ALK: variants seen among roughly 807,000 people sequenced by gnomAD.
The protein encoded by ALK is ALK tyrosine kinase receptor.
ALK carries 74 observed loss-of-function variants against 163.1 expected under a neutral mutation model. The observed-to-expected ratio is 0.45, with a 90% CI of 0.38 to 0.55. The LOEUF (loss-of-function observed/expected upper bound fraction) is 0.55. Ranked by LOEUF, ALK falls within the 20% of genes least tolerant of loss-of-function variation. ALK has a pLI of 0.00. For missense variants in ALK, 2,063 were observed against 2,105.3 expected (o/e 0.98, Z 0.39); for synonymous variants, 960 against 843.2 (o/e 1.14, Z -2.40).
At chr2:29,389,630 G>T (rs986109049) in intron 4 of ALK, among the ~76,000 whole-genome samples, 4 of 152,186 alleles carry the variant, frequency 2.6e-5, no homozygotes, top group African/African-American at 9.7e-5. Flanking sequence ...GAGGACAAAT[G>T]AACATATTTC....
intron 1 of ALK, among the ~76,000 whole-genome samples, chr2:29,897,545 AG>A (rs1201611769): frequency 1.3e-5 from 2 of 152,076 alleles, no homozygotes; most frequent in Admixed American, 1.3e-4. Context: ...TTCTCTTGGG[AG>A]GCTTTTCAGC....
chr2:29,339,910 G>T (rs1225758689), intron 5 of ALK, among the ~76,000 whole-genome samples: 2 of 152,212 alleles, frequency 1.3e-5, no homozygotes, highest in African/African-American at 2.4e-5. Context: ...GATTCCTGTA[G>T]GCCACCCGCA....
intron 1 of ALK, among the ~76,000 whole-genome samples, chr2:29,866,854 C>T (rs1056248804): frequency 6.6e-6 from 1 of 152,196 alleles, no homozygotes; most frequent in Non-Finnish European, 1.5e-5. Flanking sequence ...GGGCAAGGCT[C>T]CTGGGCCTCT....
chr2:29,880,966 C>G (rs1463587343), intron 1 of ALK, among the ~76,000 whole-genome samples: 2 of 152,108 alleles, frequency 1.3e-5, no homozygotes, highest in African/African-American at 2.4e-5. Flanking sequence ...TAGATCTGGC[C>G]CCGGACAGAG....
At chr2:29,842,666 C>T (rs1665729942) in intron 1 of ALK, among the ~76,000 whole-genome samples, 1 of 152,154 alleles carries the variant, frequency 6.6e-6, no homozygotes, top group Non-Finnish European at 1.5e-5. Flanking sequence ...GGGACTGGAC[C>T]ACATGGAGAT....
chr2:29,330,253 C>T (rs1161155763), intron 5 of ALK, among the ~76,000 whole-genome samples: 1 of 152,190 alleles, frequency 6.6e-6, no homozygotes, highest in Non-Finnish European at 1.5e-5. Flanking sequence ...GGACTCTGTG[C>T]TGCAGGCTCC....
At chr2:29,897,459 G>A (rs1348435018) in intron 1 of ALK, among the ~76,000 whole-genome samples, 3 of 152,168 alleles carry the variant, frequency 2.0e-5, no homozygotes, top group African/African-American at 7.2e-5. Context: ...ATTGTAAAGA[G>A]GAAGGGAAGG....
intron 2 of ALK, among the ~76,000 whole-genome samples, chr2:29,705,754 G>C (rs376994204): frequency 2.0e-5 from 3 of 152,190 alleles, no homozygotes; most frequent in South Asian, 2.1e-4. Context: ...ATTGTGAGGA[G>C]GGTGAAATGC....
At chr2:29,633,064 C>A (rs974254589) in intron 3 of ALK, among the ~76,000 whole-genome samples, 1 of 152,168 alleles carries the variant, frequency 6.6e-6, no homozygotes. Context: ...GAACTTCTAA[C>A]CTCTAGAACA....
At chr2:29,479,457 C>T (rs571622205) in intron 4 of ALK, among the ~76,000 whole-genome samples, 5 of 152,170 alleles carry the variant, frequency 3.3e-5, no homozygotes, top group Non-Finnish European at 7.3e-5. Context: ...CTTACCAAAG[C>T]TTTAGGGTGT....
Position 29,920,192 on chromosome 2 carries a change from C to T in ALK, c.468G>A (p.Gly156=), listed in dbSNP as rs776407160. ...GCCCCACAGCCGCCTCCCCGGGGGG[C>T]CCGACGCAACCCTCCAAGATCGCCT... The part of the protein sequence containing the change: ...GEEAILEGCV[G]PPGEAAVGLL... The change falls in exon 1 of 29, where the codon GGG becomes GGA. Residue 156 remains glycine, a synonymous_variant. Coordinates refer to ENST00000389048, the MANE Select transcript of ALK (RefSeq NM_004304.5). 6.2e-7 allele frequency: 1 copy of T among 1,613,424 alleles called. No individual in the cohort carries two copies. The highest frequency in any genetic ancestry group is 8.5e-7 in the Non-Finnish European group (1 of 1,179,998).
At chr2:29,644,774 G>A (rs760095569) in intron 3 of ALK, among the ~76,000 whole-genome samples, 5 of 152,124 alleles carry the variant, frequency 3.3e-5, no homozygotes, top group African/African-American at 7.2e-5. Flanking sequence ...CTAAAAGTAC[G>A]TATTAAAAAG....
intron 1 of ALK, among the ~76,000 whole-genome samples, chr2:29,772,460 C>T (rs1681053285): frequency 1.3e-5 from 2 of 152,118 alleles, no homozygotes; most frequent in Non-Finnish European, 1.5e-5. Context: ...AAATTAAAGG[C>T]ATGTCTTGGC....
At chr2:29,918,114 T>A (rs1667884037) in intron 1 of ALK, among the ~76,000 whole-genome samples, 1 of 152,234 alleles carries the variant, frequency 6.6e-6, no homozygotes, top group Admixed American at 6.5e-5. Context: ...GAATTAAGCA[T>A]GTGACTCTTC....
intron 5 of ALK, among the ~76,000 whole-genome samples, chr2:29,332,732 T>C (rs1573244349): frequency 6.6e-6 from 1 of 152,350 alleles, no homozygotes; most frequent in East Asian, 1.9e-4. Flanking sequence ...ATGGCTACAA[T>C]ATTGTGCAAT....
At chr2:29,665,473 T>A (rs1677486803) in intron 3 of ALK, among the ~76,000 whole-genome samples, 1 of 152,064 alleles carries the variant, frequency 6.6e-6, no homozygotes, top group Non-Finnish European at 1.5e-5. Flanking sequence ...TATCCTTACG[T>A]CTTATGTATT....
chr2:29,551,982 C>A (rs1673726336), intron 3 of ALK, among the ~76,000 whole-genome samples: 1 of 152,178 alleles, frequency 6.6e-6, no homozygotes, highest in Non-Finnish European at 1.5e-5. Context: ...CCATCCCAAA[C>A]AAAACCTCTG....
intron 1 of ALK, among the ~76,000 whole-genome samples, chr2:29,846,154 C>T (rs993852690): frequency 2.0e-5 from 3 of 152,192 alleles, no homozygotes; most frequent in Admixed American, 6.5e-5. Context: ...CTGGAATTGG[C>T]CTCTCCCAGG....
At chr2:29,423,522 C>CT (rs1213528783) in intron 4 of ALK, among the ~76,000 whole-genome samples, 1 of 152,248 alleles carries the variant, frequency 6.6e-6, no homozygotes, top group Non-Finnish European at 1.5e-5. Flanking sequence ...CAGGATGTGT[C>CT]TTTAGAAGTA....
Sources: gnomAD v4.1 joint callset for allele counts (sites outside exome capture counted in the v4.1 genomes callset) on GRCh38, gnomAD v4.1.1 for gene constraint, MANE v1.5 for transcripts, NCBI Gene and HGNC (gene_info 2026-07-23, HGNC 2026-07-21) for gene names.